SFSWAP: variants seen among roughly 807,000 people sequenced by gnomAD.
The protein encoded by SFSWAP is splicing factor SWAP, also known as splicing factor, suppressor of white-apricot homolog.
In SFSWAP, 17 loss-of-function variants were observed where a neutral mutation model predicts 100.7. The ratio of observed to expected loss-of-function variants is 0.17; its 90% CI spans 0.12 to 0.25. The LOEUF (loss-of-function observed/expected upper bound fraction) is 0.25, where lower values mean the gene tolerates loss of function less well. SFSWAP is among the 10% of genes least tolerant of loss of function. The probability of loss-of-function intolerance (pLI) is 1.00; values close to 1 mark genes in which losing one functional copy is unlikely to be tolerated. For synonymous variants in SFSWAP, 504 were observed against 510.1 expected, an observed-to-expected ratio of 0.99 and a Z score of 0.16; for missense variants, 1,005 against 1,262.6, an observed-to-expected ratio of 0.80 and a Z score of 3.09.
chr12:131,781,234 A>AT lies in SFSWAP; in HGVS notation c.2408+2927dup, dbSNP rs66608201. Among the ~76,000 whole-genome samples the AT allele has an allele frequency of 2.9e-3, 301 of 102,278 alleles. 7 individuals are homozygous for AT. Among genetic ancestry groups the AT allele is most frequent in the African/African-American group, 9.5e-3 (274 of 28,820 alleles). 67.1% of individuals were successfully genotyped at this position (102,278 alleles called of 152,430 possible). On this transcript the variant is annotated intron_variant, in intron 14 of 17. Transcript: ENST00000261674. ...TTCACATATGCAAATATATCTTATT[A>AT]TTTTTTTTTTTTTTTTTTTTTTTGA...
At position 131,711,091 on chromosome 12, in the gene SFSWAP, T is replaced by G; in HGVS notation, c.-139T>G. The G allele has an allele frequency of 4.4e-5, 30 of 675,288 alleles. No homozygotes were observed. Among genetic ancestry groups the G allele is most frequent in the Non-Finnish European group, 5.8e-5 (24 of 410,842 alleles). 41.8% of individuals were successfully genotyped at this position (675,288 alleles called of 1,614,324 possible). A position where few individuals can be genotyped will look rare whatever the true frequency, so the allele number is the denominator to read the frequency against. ...CCTGCCGGAAGCTGCCCCTCCACCA[T>G]TTTGTGGCCCGCTATGGCGGCGGTG... On this transcript the variant is annotated 5_prime_UTR_variant, in exon 1 of 18. Transcript: ENST00000261674. This position sits in a 1 kb window ranked among gnomAD's most constrained non-coding sequence, Gnocchi z 4.9.
At chr12:131,776,719 C>T (rs1762396174) in intron 13 of SFSWAP, among the ~76,000 whole-genome samples, 1 of 152,216 alleles carries the variant, frequency 6.6e-6, no homozygotes, top group South Asian at 2.1e-4. Context: ...GACTGGGTCC[C>T]ACCCCAGCAC....
At chr12:131,737,134 C>G (rs578250234) in intron 7 of SFSWAP, among the ~76,000 whole-genome samples, 7 of 152,186 alleles carry the variant, frequency 4.6e-5, no homozygotes, top group Non-Finnish European at 1.0e-4. Context: ...CGGTGGGCTG[C>G]AGAGCTCTGG....
intron 1 of SFSWAP, chr12:131,713,760 G>A (rs918303972): frequency 1.0e-5 from 2 of 198,894 alleles, no homozygotes; most frequent in Non-Finnish European, 2.0e-5. Flanking sequence ...AAACCATAAT[G>A]GTAAGAACTG....
At position 131,711,095 on chromosome 12, in the gene SFSWAP, G is replaced by A. The variant is rs1877266791; in HGVS notation, c.-135G>A. The stretch of plus-strand genomic sequence containing the variant: ...CCGGAAGCTGCCCCTCCACCATTTT[G>A]TGGCCCGCTATGGCGGCGGTGTTGA... On this transcript the variant is annotated 5_prime_UTR_variant, in exon 1 of 18. In the 5' UTR this introduces an upstream ATG that the reference lacks. Coordinates refer to ENST00000261674, the MANE Select transcript of SFSWAP (RefSeq NM_004592.4). The surrounding 1 kb of genome is among the most constrained non-coding windows in gnomAD (Gnocchi z 4.9). 1.4e-6 allele frequency: 1 copy of A among 702,604 alleles called. No homozygotes were observed. The highest frequency in any genetic ancestry group is 2.3e-6 in the Non-Finnish European group (1 of 434,476). 43.5% of individuals were successfully genotyped at this position (702,604 alleles called of 1,614,324 possible).
At chr12:131,728,909 G>C (rs1033044968) in intron 7 of SFSWAP, among the ~76,000 whole-genome samples, 1 of 152,056 alleles carries the variant, frequency 6.6e-6, no homozygotes, top group African/African-American at 2.4e-5. Flanking sequence ...TGCCCAGGCT[G>C]GTCTCGAGCT....
At chr12:131,738,885 C>CTTTTTTATTTTTTTTTTTTTTTTTT (rs1880305978) in intron 7 of SFSWAP, among the ~76,000 whole-genome samples, 1 of 48,718 alleles carries the variant, frequency 2.1e-5, no homozygotes, top group Non-Finnish European at 4.1e-5. Flanking sequence ...GAACATTATT[C>CTTTTTTATTTTTTTTTTTTTTTTTT]TTTTTTTTTT....
chr12:131,771,869 G>C (rs1470218345), intron 13 of SFSWAP, among the ~76,000 whole-genome samples: 1 of 152,028 alleles, frequency 6.6e-6, no homozygotes, highest in African/African-American at 2.4e-5. Context: ...CACCATGTTG[G>C]CCAGGATGGT....
intron 7 of SFSWAP, among the ~76,000 whole-genome samples, chr12:131,740,746 T>G (rs1880523710): frequency 6.6e-6 from 1 of 152,054 alleles, no homozygotes; most frequent in African/African-American, 2.4e-5. Context: ...GTTTGGATCC[T>G]TGGCTGGTTT....
intron 10 of SFSWAP, 150 bp downstream of exon 10, chr12:131,755,629 T>C: frequency 1.6e-6 from 1 of 618,236 alleles, no homozygotes. Flanking sequence ...ACTCCATCTT[T>C]CACGTCCCCC....
At chr12:131,742,328 C>T (rs529761280) in intron 7 of SFSWAP, among the ~76,000 whole-genome samples, 10 of 152,252 alleles carry the variant, frequency 6.6e-5, no homozygotes, top group African/African-American at 2.2e-4. Context: ...TGTAAGAAGT[C>T]TTCAAAACCT....
chr12:131,761,967 A>T (rs1436520364), intron 11 of SFSWAP, among the ~76,000 whole-genome samples: 4 of 152,102 alleles, frequency 2.6e-5, no homozygotes, highest in Non-Finnish European at 2.9e-5. Flanking sequence ...GTTTGCATAG[A>T]TACTAGCTTT....
chr12:131,720,802 C>T (rs564466284), intron 4 of SFSWAP, among the ~76,000 whole-genome samples: 3 of 152,308 alleles, frequency 2.0e-5, no homozygotes, highest in African/African-American at 7.2e-5. Context: ...TTTACATATC[C>T]TCTCCCTCTC....
At chr12:131,746,970 G>A (rs554898677) in intron 7 of SFSWAP, among the ~76,000 whole-genome samples, 4 of 152,134 alleles carry the variant, frequency 2.6e-5, no homozygotes, top group Non-Finnish European at 5.9e-5. Flanking sequence ...CGGGTGTGGT[G>A]GCGGGTGCCT....
intron 3 of SFSWAP, among the ~76,000 whole-genome samples, chr12:131,718,253 T>C (rs1878120157): frequency 6.6e-6 from 1 of 152,236 alleles, no homozygotes. Context: ...CTTTGCAAAT[T>C]ATTGATCGCT....
At chr12:131,787,921 AATGTTTC>A (rs1200032614) in intron 15 of SFSWAP, among the ~76,000 whole-genome samples, 1 of 152,214 alleles carries the variant, frequency 6.6e-6, no homozygotes, top group African/African-American at 2.4e-5. Context: ...AGATACCAGC[AATGTTTC>A]ATGTACACCT....
At chr12:131,715,027 G>C (rs1423074232) in intron 3 of SFSWAP, 74 bp downstream of exon 3, 2 of 1,527,062 alleles carry the variant, frequency 1.3e-6, no homozygotes, top group African/African-American at 1.4e-5. Flanking sequence ...CCGTGGTCCA[G>C]TCTGCAGAAC....
rs1263657841 is a variant in SFSWAP, at chr12:131,794,526, A to C, written c.2535-2652A>C. Among the ~76,000 whole-genome samples, 1 of 152,182 alleles carries C rather than the reference A, an allele frequency of 6.6e-6. No individual in the cohort carries two copies. Among genetic ancestry groups the C allele is most frequent in the Non-Finnish European group, 1.5e-5 (1 of 68,032 alleles). ...CACTCCAGTTTGGGCAACAGAGGGA[A>C]ACTGAGAAACAAACAACAGAAAACC... On this transcript the variant is annotated intron_variant, in intron 15 of 17. Transcript: ENST00000261674. This position sits in a 1 kb window ranked among gnomAD's most constrained non-coding sequence, Gnocchi z 4.8.
chr12:131,760,197 T>C (rs1034470445), intron 11 of SFSWAP, among the ~76,000 whole-genome samples: 1 of 152,180 alleles, frequency 6.6e-6, no homozygotes, highest in Non-Finnish European at 1.5e-5. Context: ...CTGTAAATCA[T>C]AGGGAAAGAT....
Sources: gnomAD v4.1 joint callset for allele counts (sites outside exome capture counted in the v4.1 genomes callset) on GRCh38, gnomAD v4.1.1 for gene constraint, Gnocchi (gnomAD v3.1) non-coding constraint, MANE v1.5 for transcripts, NCBI Gene and HGNC (gene_info 2026-07-23, HGNC 2026-07-21) for gene names.